RANBP3L: variants seen among roughly 807,000 people sequenced by gnomAD.
RANBP3L encodes ran-binding protein 3-like.
Under a neutral mutation model 67.2 loss-of-function variants are expected in RANBP3L, and 56 were observed. The ratio of observed to expected loss-of-function variants is 0.83; its 90% CI spans 0.67 to 1.04. RANBP3L has a LOEUF of 1.04. Ranked by LOEUF, RANBP3L falls within the 50% of genes least tolerant of loss-of-function variation. The pLI is 0.00. For synonymous variants in RANBP3L, 164 were observed against 181.4 expected, an observed-to-expected ratio of 0.90 and a Z score of 0.77; for missense variants, 496 against 535.5, an observed-to-expected ratio of 0.93 and a Z score of 0.73.
At chr5:36,270,123 T>C in intron 2 of RANBP3L, 133 bp from the exon 3 acceptor site, 4 of 759,408 alleles carry the variant, frequency 5.3e-6, no homozygotes, top group Non-Finnish European at 9.4e-6. Context: ...ACCTAGTACA[T>C]CAGATTTCCA....
chr5:36,269,419 A>G lies in RANBP3L; in HGVS notation c.239T>C (p.Phe80Ser). Reference protein sequence around the residue: ...TKRVRSSSFTFHITDSQSQGV... With the variant: ...TKRVRSSSFTSHITDSQSQGV... ...CTGGGACTGAGAATCTGTAATATGA[A>G]AAGTAAAAGATGAAGACCGTACACG... The change falls in exon 4 of 14, where the codon TTT becomes TCT. Residue 80 changes from phenylalanine to serine, a missense_variant. By Grantham distance (155) the Phe-to-Ser change is radical. Transcript: ENST00000296604. 2 of 1,575,262 alleles carry G rather than the reference A, an allele frequency of 1.3e-6. No individual in the cohort carries two copies. The highest frequency in any genetic ancestry group is 1.1e-5 in the South Asian group (1 of 90,172).
chr5:36,257,601 A>C (rs1370487746), intron 8 of RANBP3L, 45 bp from the exon 9 acceptor site: 1 of 871,512 alleles, frequency 1.1e-6, no homozygotes. Flanking sequence ...TAAAAGTTTT[A>C]ATTTTATCCC....
At chr5:36,270,859 C>G (rs1750157380) in intron 2 of RANBP3L, among the ~76,000 whole-genome samples, 1 of 152,198 alleles carries the variant, frequency 6.6e-6, no homozygotes, top group East Asian at 1.9e-4. Flanking sequence ...AAAAAGCAGA[C>G]AGAGTTCAGA....
At chr5:36,297,997 G>T (rs995923827) in intron 1 of RANBP3L, among the ~76,000 whole-genome samples, 6 of 152,014 alleles carry the variant, frequency 3.9e-5, no homozygotes, top group Non-Finnish European at 7.4e-5. Flanking sequence ...GGCATGGGGG[G>T]TTAGAAAATA....
intron 1 of RANBP3L, among the ~76,000 whole-genome samples, chr5:36,272,369 C>A (rs146317554): frequency 2.0e-5 from 3 of 152,254 alleles, no homozygotes; most frequent in Admixed American, 1.3e-4. Flanking sequence ...CAACCATTAC[C>A]AACATATTGT....
intron 11 of RANBP3L, 28 bp downstream of exon 11, chr5:36,255,442 T>A (rs1164628270): frequency 6.3e-7 from 1 of 1,597,768 alleles, no homozygotes; most frequent in Non-Finnish European, 8.5e-7. Context: ...TGACAAATTA[T>A]GGCTTGCTTT....
chr5:36,265,013 T>C lies in RANBP3L; in HGVS notation c.426A>G (p.Thr142=). 6.2e-7 allele frequency: 1 copy of C among 1,613,866 alleles called. No homozygotes were observed. The highest frequency in any genetic ancestry group is 8.5e-7 in the Non-Finnish European group (1 of 1,179,778). ...QARSCAKVRK[T]FGHKALESCK... The stretch of plus-strand genomic sequence containing the variant: ...AAGATTCCAGTGCCTTGTGTCCAAA[T>C]GTTTTTCTTACTTTTGCACAACTTC... Residue 142 remains threonine (T), a synonymous_variant, in exon 6 of 14, where the codon ACA becomes ACG. Coordinates refer to ENST00000296604, the MANE Select transcript of RANBP3L (RefSeq NM_145000.5).
In RANBP3L at chr5:36,266,297, A is replaced by G. The variant is rs188914916; in HGVS notation, c.269-777T>C. On this transcript the variant is annotated intron_variant, in intron 4 of 13. Transcript: ENST00000296604. ...TCTGCTAAGTTATTTTTCTACAAAC[A>G]TGTTGGTGGGGTAAGACTGTGGTGG... Among the ~76,000 whole-genome samples the G allele has an allele frequency of 1.1e-4, 17 of 152,322 alleles. No individual in the cohort carries two copies. The East Asian group carries it at 3.3e-3, about 29-fold the overall frequency.
chr5:36,258,798 T>C (rs1380041393), intron 8 of RANBP3L, among the ~76,000 whole-genome samples: 1 of 152,214 alleles, frequency 6.6e-6, no homozygotes, highest in East Asian at 1.9e-4. Context: ...GTGTCTCCTT[T>C]AGCTTGCATA....
intron 4 of RANBP3L, among the ~76,000 whole-genome samples, chr5:36,266,674 G>A (rs1025933974): frequency 6.6e-5 from 10 of 151,968 alleles, no homozygotes; most frequent in Non-Finnish European, 1.0e-4. Context: ...ACTTAAAGTC[G>A]TTCCTTTGTT....
chr5:36,260,225 G>A (rs575603230), intron 8 of RANBP3L, among the ~76,000 whole-genome samples: 66 of 151,776 alleles, frequency 4.3e-4, no homozygotes, highest in Non-Finnish European at 6.9e-4. Context: ...GCCAGGTGTG[G>A]TGGCACGCGC....
intron 1 of RANBP3L, among the ~76,000 whole-genome samples, chr5:36,280,145 A>G (rs115553985): frequency 3.9e-4 from 59 of 152,290 alleles, no homozygotes; most frequent in Non-Finnish European, 7.9e-4. Context: ...TGATTTGTAC[A>G]TTGTTCTAGA....
At chr5:36,265,603 G>T in intron 4 of RANBP3L, 83 bp from the exon 5 acceptor site, 2 of 753,042 alleles carry the variant, frequency 2.7e-6, no homozygotes, top group South Asian at 1.8e-5. Context: ...ATCCCATTCC[G>T]AACTCACCAG....
intron 1 of RANBP3L, among the ~76,000 whole-genome samples, chr5:36,300,937 CA>C (rs1213417286): frequency 6.6e-6 from 1 of 152,090 alleles, no homozygotes; most frequent in Non-Finnish European, 1.5e-5. Context: ...TAGGCTTAAA[CA>C]AAGTGAAAAA....
In RANBP3L at chr5:36,252,080, A is replaced by G. The variant is rs116422117; in HGVS notation, c.1168-581T>C. ...TTACTGTTAAAATATTCTTTTTTTC[A>G]ATTCCTTCAGTAAAACTGTGGGTTA... On this transcript the variant is annotated intron_variant, in intron 12 of 13. Coordinates refer to ENST00000296604, the MANE Select transcript of RANBP3L (RefSeq NM_145000.5). 3.1e-3 allele frequency among the ~76,000 whole-genome samples: 476 copies of G among 152,222 alleles called. 2 individuals are homozygous for G. The highest frequency in any genetic ancestry group is 0.011 in the African/African-American group (461 of 41,562).
intron 1 of RANBP3L, among the ~76,000 whole-genome samples, chr5:36,289,369 A>T (rs920179582): frequency 2.0e-5 from 3 of 152,144 alleles, no homozygotes; most frequent in African/African-American, 7.2e-5. Context: ...AGATTGATTT[A>T]GTTATTCTAG....
At chr5:36,253,893 G>C in intron 11 of RANBP3L, 104 bp from the exon 12 acceptor site, 1 of 1,066,478 alleles carries the variant, frequency 9.4e-7, no homozygotes, top group Non-Finnish European at 1.3e-6. Context: ...TCAGACTGTA[G>C]ATTCAATACT....
At chr5:36,286,193 A>G (rs149532098) in intron 1 of RANBP3L, among the ~76,000 whole-genome samples, 15 of 152,278 alleles carry the variant, frequency 9.9e-5, no homozygotes, top group Non-Finnish European at 2.9e-5. Flanking sequence ...TTATTTTAAC[A>G]TGGTATTGAG....
At chr5:36,282,031 C>T (rs1751006765) in intron 1 of RANBP3L, among the ~76,000 whole-genome samples, 1 of 152,174 alleles carries the variant, frequency 6.6e-6, no homozygotes, top group African/African-American at 2.4e-5. Flanking sequence ...ACACTACTCC[C>T]TTATTTAGGC....
Sources: allele counts gnomAD v4.1 joint callset (sites outside exome capture counted in the v4.1 genomes callset), GRCh38; gene constraint gnomAD v4.1.1; transcripts MANE v1.5; gene names NCBI Gene and HGNC (gene_info 2026-07-23, HGNC 2026-07-21).